Variants in ZDHHC2 observed in about 807,000 individuals in gnomAD.
ZDHHC2 encodes zDHHC palmitoyltransferase 2, also known as palmitoyltransferase ZDHHC2.
Under a neutral mutation model 55.6 loss-of-function variants are expected in ZDHHC2, and 51 were observed. That is an observed-to-expected ratio of 0.92 (90% confidence interval 0.73 to 1.16). ZDHHC2 has a LOEUF of 1.16. Among genes scored for constraint, ZDHHC2 ranks in the 50% most tolerant of loss-of-function variants. The pLI is 0.00. For synonymous variants in ZDHHC2, 199 were observed against 152.9 expected (o/e 1.30, Z -2.22); for missense variants, 491 against 442.4 (o/e 1.11, Z -0.99).
chr8:17,190,902 T>C (rs897166155), intron 3 of ZDHHC2, among the ~76,000 whole-genome samples: 17 of 151,858 alleles, frequency 1.1e-4, no homozygotes, highest in South Asian at 2.1e-4. Flanking sequence ...TAAATTATTA[T>C]TGATTGTAGC....
At chr8:17,160,379 T>C (rs1047033986) in intron 1 of ZDHHC2, among the ~76,000 whole-genome samples, 1 of 152,228 alleles carries the variant, frequency 6.6e-6, no homozygotes, top group Non-Finnish European at 1.5e-5. Context: ...GTTCTGAATT[T>C]GCTTACGGTT....
intron 1 of ZDHHC2, among the ~76,000 whole-genome samples, chr8:17,176,961 A>T (rs1378533533): frequency 6.6e-6 from 1 of 152,224 alleles, no homozygotes; most frequent in African/African-American, 2.4e-5. Context: ...GAAAATGTTA[A>T]CGTGAATAAC....
intron 1 of ZDHHC2, among the ~76,000 whole-genome samples, chr8:17,157,159 TC>T (rs1391981834): frequency 1.3e-5 from 2 of 152,074 alleles, no homozygotes; most frequent in African/African-American, 4.8e-5. Flanking sequence ...GGGCGGAAGG[TC>T]CCCGGGACCG....
chr8:17,201,636 G>A lies in ZDHHC2; in HGVS notation c.476+3223G>A, dbSNP rs544116926. Among the ~76,000 whole-genome samples the A allele has an allele frequency of 3.9e-3, 583 of 148,586 alleles. 5 individuals carry two copies. Among genetic ancestry groups the A allele is most frequent in the African/African-American group, 0.014 (553 of 40,354 alleles). ...GCCTCCCAAGTAGCTGGGACTATAG[G>A]CGCCCACCACTACGCCTCACGGTTT... is the stretch of plus-strand genomic sequence containing the variant. On this transcript the variant is annotated intron_variant, in intron 6 of 12. Coordinates refer to ENST00000262096, the MANE Select transcript of ZDHHC2 (RefSeq NM_016353.5).
At chr8:17,179,647 G>C (rs143864166) in intron 1 of ZDHHC2, among the ~76,000 whole-genome samples, 117 of 152,242 alleles carry the variant, frequency 7.7e-4, no homozygotes, top group Middle Eastern at 3.4e-3. Context: ...TTGGCCTTAA[G>C]TGATCCTCCC....
intron 9 of ZDHHC2, 100 bp from the exon 10 acceptor site, chr8:17,210,288 A>G: frequency 2.4e-6 from 3 of 1,255,542 alleles, no homozygotes; most frequent in South Asian, 3.0e-5. Context: ...TTTTTTGCCT[A>G]GAGTATAGCA....
intron 1 of ZDHHC2, among the ~76,000 whole-genome samples, chr8:17,172,514 A>G (rs1217330969): frequency 1.3e-5 from 2 of 152,200 alleles, no homozygotes; most frequent in Non-Finnish European, 2.9e-5. Flanking sequence ...TCGGCTCTAC[A>G]TCCACGTGCC....
chr8:17,185,969 G>A (rs934424569), intron 2 of ZDHHC2, among the ~76,000 whole-genome samples: 22 of 152,282 alleles, frequency 1.4e-4, no homozygotes, highest in African/African-American at 5.1e-4. Context: ...AAGCCTGAGT[G>A]TTTTAACACT....
In ZDHHC2 at chr8:17,220,513, A is replaced by C. The variant is rs1807875595; in HGVS notation, c.*292A>C. On this transcript the variant is annotated 3_prime_UTR_variant, in exon 13 of 13. Transcript: ENST00000262096. ...TCTCCAAAAAACTTGGAATAAATCC[A>C]AGGACCAGTTTTTACCCAAATATAT... is the stretch of plus-strand genomic sequence containing the variant. The C allele has an allele frequency of 6.6e-6, 1 of 152,218 alleles. No individual in the cohort carries two copies. The highest frequency in any genetic ancestry group is 2.4e-5 in the African/African-American group (1 of 41,468). The allele number at this position is 152,218 out of a possible 1,614,324, so 9.4% of individuals were successfully genotyped here. A position where few individuals can be genotyped will look rare whatever the true frequency, so the allele number is the denominator to read the frequency against.
intron 3 of ZDHHC2, among the ~76,000 whole-genome samples, chr8:17,189,441 T>C (rs1236783387): frequency 6.6e-6 from 1 of 152,226 alleles, no homozygotes; most frequent in African/African-American, 2.4e-5. Flanking sequence ...GTGAAATGTA[T>C]CTTTGTTCAC....
rs1231857146 is a variant in ZDHHC2, at chr8:17,222,821, G to GCTA, written c.*2604_*2606dup. 1 of 151,878 alleles carries GCTA rather than the reference G, an allele frequency of 6.6e-6. No individual in the cohort carries two copies. The highest frequency in any genetic ancestry group is 1.5e-5 in the Non-Finnish European group (1 of 67,808). 9.4% of individuals were successfully genotyped at this position (151,878 alleles called of 1,614,324 possible). A position where few individuals can be genotyped will look rare whatever the true frequency, so the allele number is the denominator to read the frequency against. On this transcript the variant is annotated 3_prime_UTR_variant, in exon 13 of 13. Transcript: ENST00000262096. ...TAAATTTTCCTAATAGTTTATTAGA[G>GCTA]CTACTAATGGCAAAATTCATGTCTT...
intron 11 of ZDHHC2, among the ~76,000 whole-genome samples, chr8:17,216,286 C>A (rs1351042416): frequency 6.6e-6 from 1 of 152,150 alleles, no homozygotes; most frequent in East Asian, 1.9e-4. Flanking sequence ...TAGCGAAAAA[C>A]AAATGGATGA....
At position 17,199,509 on chromosome 8, in the gene ZDHHC2, T is replaced by TTCTTCTTCTTCGTCTTCGTCTTCG. The variant is rs1297662337; in HGVS notation, c.476+1101_476+1102insTTCTTCGTCTTCGTCTTCGTCTTC. On this transcript the variant is annotated intron_variant, in intron 6 of 12. Coordinates refer to ENST00000262096, the MANE Select transcript of ZDHHC2 (RefSeq NM_016353.5). ...CTTCTTCTTCTTCTTCTTCTTCTTC[T>TTCTTCTTCTTCGTCTTCGTCTTCG]TCTTCGTCTTCGTCTTCGTCTTCTG... 5.6e-4 allele frequency among the ~76,000 whole-genome samples: 68 copies of TTCTTCTTCTTCGTCTTCGTCTTCG among 121,168 alleles called. 2 individuals carry two copies. The highest frequency in any genetic ancestry group is 2.3e-3 in the South Asian group (8 of 3,534). 79.5% of individuals were successfully genotyped at this position (121,168 alleles called of 152,430 possible).
chr8:17,214,188 T>G (rs1440497442), intron 10 of ZDHHC2, among the ~76,000 whole-genome samples: 1 of 152,214 alleles, frequency 6.6e-6, no homozygotes, highest in African/African-American at 2.4e-5. Context: ...GTGAAATATT[T>G]TTATGTATAC....
chr8:17,183,928 C>A (rs1385694173), intron 1 of ZDHHC2, among the ~76,000 whole-genome samples: 1 of 152,204 alleles, frequency 6.6e-6, no homozygotes, highest in African/African-American at 2.4e-5. Context: ...TCACACTACC[C>A]TCTGGTTCCA....
At chr8:17,200,102 G>C (rs1227799034) in intron 6 of ZDHHC2, among the ~76,000 whole-genome samples, 1 of 152,138 alleles carries the variant, frequency 6.6e-6, no homozygotes, top group African/African-American at 2.4e-5. Context: ...TTCCCCTGCA[G>C]CTGCTGTCAG....
chr8:17,181,879 A>G (rs1805450458), intron 1 of ZDHHC2, among the ~76,000 whole-genome samples: 1 of 152,142 alleles, frequency 6.6e-6, no homozygotes, highest in Non-Finnish European at 1.5e-5. Context: ...AATTTGAGCA[A>G]TCTTTTCTTG....
chr8:17,161,339 T>C (rs907667676), intron 1 of ZDHHC2, among the ~76,000 whole-genome samples: 1 of 152,174 alleles, frequency 6.6e-6, no homozygotes, highest in African/African-American at 2.4e-5. Context: ...ACTATTACTT[T>C]AAAAACTGTG....
chr8:17,211,775 T>C (rs17124241), intron 10 of ZDHHC2, among the ~76,000 whole-genome samples: 14,165 of 152,128 alleles, frequency 0.093, 1,430 homozygotes, highest in African/African-American at 0.25. Context: ...CACAGGGACA[T>C]TCATGGGCAT....
Sources: allele counts gnomAD v4.1 joint callset (sites outside exome capture counted in the v4.1 genomes callset), GRCh38; gene constraint gnomAD v4.1.1; transcripts MANE v1.5; gene names NCBI Gene and HGNC (gene_info 2026-07-23, HGNC 2026-07-21).